Variants in DCLK1 observed in about 807,000 individuals in gnomAD.
DCLK1 encodes the protein doublecortin like kinase 1.
A neutral mutation model predicts 86.2 loss-of-function variants in DCLK1; 16 were observed. The ratio of observed to expected loss-of-function variants is 0.19; its 90% confidence interval spans 0.13 to 0.28. The LOEUF (loss-of-function observed/expected upper bound fraction) is 0.28, where lower values mean the gene tolerates loss of function less well. Among genes scored for constraint, DCLK1 ranks in the 10% least tolerant of loss-of-function variants. DCLK1 has a pLI of 1.00. For synonymous variants in DCLK1, 369 were observed against 370.5 expected, an observed-to-expected ratio of 1.00 and a Z score of 0.05; for missense variants, 590 against 940.2, an observed-to-expected ratio of 0.63 and a Z score of 4.87.
intron 4 of DCLK1, among the ~76,000 whole-genome samples, chr13:35,884,877 A>C (rs1873135109): frequency 2.0e-5 from 3 of 152,150 alleles, no homozygotes; most frequent in African/African-American, 7.2e-5. Context: ...TTTAGATTAT[A>C]ATAGGGTCCA....
intron 15 of DCLK1, among the ~76,000 whole-genome samples, chr13:35,798,423 A>G (rs1404178358): frequency 6.6e-6 from 1 of 152,236 alleles, no homozygotes; most frequent in Admixed American, 6.5e-5. Context: ...GAAGCATGGC[A>G]GTCTTGAGCA....
intron 3 of DCLK1, among the ~76,000 whole-genome samples, chr13:36,045,793 C>T (rs1882891404): frequency 2.0e-5 from 3 of 151,248 alleles, no homozygotes; most frequent in Admixed American, 1.3e-4. Context: ...GCAGAGGTTG[C>T]AGTGAGCTGA....
At chr13:35,865,171 T>TA (rs538255817) in intron 5 of DCLK1, among the ~76,000 whole-genome samples, 15 of 152,038 alleles carry the variant, frequency 9.9e-5, no homozygotes, top group South Asian at 6.2e-4. Context: ...CCTGTGTAGA[T>TA]AAAAAAAATT....
chr13:35,797,263 G>A (rs9601349), intron 15 of DCLK1, among the ~76,000 whole-genome samples: 14,052 of 152,186 alleles, frequency 0.092, 2,085 homozygotes, highest in African/African-American at 0.32. Flanking sequence ...AGCTCTTGCT[G>A]AATAACCCCA....
intron 15 of DCLK1, among the ~76,000 whole-genome samples, chr13:35,799,337 T>C (rs9545405): frequency 0.11 from 17,322 of 152,146 alleles, 1,108 homozygotes; most frequent in East Asian, 0.18. Flanking sequence ...CCGCAACCTC[T>C]GCCTCCCGGG....
chr13:35,787,640 A>G (rs1353000431), intron 16 of DCLK1, among the ~76,000 whole-genome samples: 1 of 152,130 alleles, frequency 6.6e-6, no homozygotes, highest in Non-Finnish European at 1.5e-5. Flanking sequence ...TTCCAGGGGG[A>G]AGAGGGAACA....
At chr13:36,077,900 G>C (rs1884267578) in intron 3 of DCLK1, among the ~76,000 whole-genome samples, 1 of 152,196 alleles carries the variant, frequency 6.6e-6, no homozygotes, top group Non-Finnish European at 1.5e-5. Context: ...ATATGACTTT[G>C]TGAGCTCTGA....
chr13:35,806,100 G>A (rs887275944), intron 14 of DCLK1, among the ~76,000 whole-genome samples: 3 of 152,064 alleles, frequency 2.0e-5, no homozygotes, highest in African/African-American at 7.2e-5. Flanking sequence ...CATTTTGCAT[G>A]TTAAAGACAG....
intron 3 of DCLK1, among the ~76,000 whole-genome samples, chr13:35,987,328 G>T (rs1262604301): frequency 6.6e-6 from 1 of 152,164 alleles, no homozygotes; most frequent in Non-Finnish European, 1.5e-5. Flanking sequence ...AGGAGGCTGA[G>T]GCAGGAGAAG....
chr13:35,959,854 CGTGTGTGT>C lies in DCLK1; in HGVS notation c.724-12405_724-12398del, dbSNP rs67600362. On this transcript the variant is annotated intron_variant, in intron 3 of 16. Coordinates refer to ENST00000360631, the MANE Select transcript of DCLK1 (RefSeq NM_001330071.2). ...TCATGAAAAAACCAATACAGCAAGT[CGTGTGTGT>C]GTGTGTGTGTGTGTGTGTGTGTGTG... Among the ~76,000 whole-genome samples, 1,400 of 149,084 alleles carry C rather than the reference CGTGTGTGT, an allele frequency of 9.4e-3. 10 individuals carry two copies. Among genetic ancestry groups the C allele is most frequent in the African/African-American group, 0.019 (771 of 40,430 alleles).
intron 4 of DCLK1, among the ~76,000 whole-genome samples, chr13:35,917,829 G>GA (rs1301939762): frequency 6.8e-6 from 1 of 147,918 alleles, no homozygotes; most frequent in Non-Finnish European, 1.5e-5. Flanking sequence ...GGGCGGGGAG[G>GA]CCTCCAGTGG....
At chr13:36,092,722 G>T (rs1676109339) in intron 3 of DCLK1, among the ~76,000 whole-genome samples, 1 of 151,530 alleles carries the variant, frequency 6.6e-6, no homozygotes, top group African/African-American at 2.4e-5. Context: ...TCCTGACCTC[G>T]TGATCCGCCC....
chr13:36,036,131 C>T (rs1261774319), intron 3 of DCLK1, among the ~76,000 whole-genome samples: 2 of 152,132 alleles, frequency 1.3e-5, no homozygotes. Context: ...TTTACCATTG[C>T]CATAACACCC....
chr13:35,892,177 C>T (rs938787849), intron 4 of DCLK1, among the ~76,000 whole-genome samples: 1 of 152,132 alleles, frequency 6.6e-6, no homozygotes, highest in Non-Finnish European at 1.5e-5. Flanking sequence ...CTGTTTCACC[C>T]TCTCTCCTTG....
intron 4 of DCLK1, among the ~76,000 whole-genome samples, chr13:35,920,328 G>A (rs573999794): frequency 2.6e-4 from 40 of 152,320 alleles, no homozygotes; most frequent in African/African-American, 9.6e-4. Context: ...GAAGGGACTA[G>A]CTGTGAAGTG....
intron 3 of DCLK1, among the ~76,000 whole-genome samples, chr13:36,067,483 C>T (rs1225388311): frequency 6.8e-6 from 1 of 147,914 alleles, no homozygotes; most frequent in East Asian, 2.0e-4. Context: ...GGGTGCAGCA[C>T]ACCAGCATGG....
At chr13:36,085,637 T>C (rs1884565513) in intron 3 of DCLK1, among the ~76,000 whole-genome samples, 5 of 152,204 alleles carry the variant, frequency 3.3e-5, no homozygotes, top group Admixed American at 2.6e-4. Context: ...TACCACACAC[T>C]ATTCTTTGTG....
chr13:36,097,251 T>C (rs1434304837), intron 3 of DCLK1, among the ~76,000 whole-genome samples: 1 of 152,238 alleles, frequency 6.6e-6, no homozygotes, highest in Non-Finnish European at 1.5e-5. Flanking sequence ...CAAATGCAGA[T>C]GAAGGAACTT....
chr13:36,012,633 C>T (rs1488377256), intron 3 of DCLK1, among the ~76,000 whole-genome samples: 3 of 138,228 alleles, frequency 2.2e-5, no homozygotes, highest in Non-Finnish European at 3.1e-5. Flanking sequence ...GAGGGTAACC[C>T]GACCTTTCTC....
Sources: allele counts gnomAD v4.1 joint callset (sites outside exome capture counted in the v4.1 genomes callset), GRCh38; gene constraint gnomAD v4.1.1; transcripts MANE v1.5; gene names NCBI Gene and HGNC (gene_info 2026-07-23, HGNC 2026-07-21).